Variants in MACF1 observed in about 807,000 individuals in gnomAD.
The protein encoded by MACF1 is microtubule-actin cross-linking factor 1.
MACF1 carries 193 observed loss-of-function variants against 854.8 expected under a neutral mutation model. The observed-to-expected ratio is 0.23, with a 90% CI of 0.20 to 0.25. The LOEUF (loss-of-function observed/expected upper bound fraction) is 0.25, where lower values mean the gene tolerates loss of function less well. Ranked by LOEUF, MACF1 falls within the 10% of genes least tolerant of loss-of-function variation. MACF1 has a pLI of 1.00. For synonymous variants in MACF1, 3,185 were observed against 3,226.7 expected (o/e 0.99, Z 0.44); for missense variants, 7,722 against 8,929.1 (o/e 0.86, Z 5.45).
intron 95 of MACF1, among the ~76,000 whole-genome samples, chr1:39,465,936 C>T (rs550562992): frequency 6.6e-6 from 1 of 152,326 alleles, no homozygotes; most frequent in East Asian, 1.9e-4. Flanking sequence ...AAAAAAACAT[C>T]ATTGCTTGAG....
chr1:39,107,950 T>TA (rs755373005), intron 2 of MACF1, among the ~76,000 whole-genome samples: 1 of 152,068 alleles, frequency 6.6e-6, no homozygotes, highest in Non-Finnish European at 1.5e-5. Context: ...AGAAGGGCAG[T>TA]AATGTATTTG....
Position 39,424,177 on chromosome 1 carries a change from C to G in MACF1, c.16299C>G (p.Leu5433=). 3 of 1,613,450 alleles carry G rather than the reference C, an allele frequency of 1.9e-6. No homozygotes were observed. Among genetic ancestry groups the G allele is most frequent in the Non-Finnish European group, 2.5e-6 (3 of 1,179,772 alleles). Residue 5433 remains leucine (L), a synonymous_variant, in exon 61 of 101, where the codon CTC becomes CTG. Transcript: ENST00000564288. ...ESLESRWTEL[L]SKAAARQKQL... is the part of the protein sequence containing the mutation. ...TTGAAAGTAGATGGACTGAACTACT[C>G]AGTAAGGCAGCAGCCAGGTAAGATC...
rs1647689315 is a variant in MACF1 at position 39,357,417 on chromosome 1, C to T, written c.11467C>T (p.Leu3823=). The change falls in exon 45 of 101, where the codon CTG becomes TTG. Residue 3823 remains leucine, a synonymous_variant. Transcript: ENST00000564288. ...ELLSQQQNFI[L]ATQSAQAFLD... ...GCTGTCCCAGCAGCAAAATTTCATT[C>T]TGGCCACCCAGTCAGCTCAGGCCTT... 2.5e-6 allele frequency: 4 copies of T among 1,613,262 alleles called. No homozygotes were observed. Among genetic ancestry groups the T allele is most frequent in the East Asian group, 2.2e-5 (1 of 44,874 alleles).
At chr1:39,293,655 T>A in intron 18 of MACF1, 36 bp downstream of exon 18, 1 of 1,585,900 alleles carries the variant, frequency 6.3e-7, no homozygotes. Flanking sequence ...GTCATACTTA[T>A]TTAACAGCAG....
At chr1:39,227,075 G>T (rs2148298335) in intron 1 of MACF1, among the ~76,000 whole-genome samples, 1 of 152,258 alleles carries the variant, frequency 6.6e-6, no homozygotes, top group East Asian at 1.9e-4. Context: ...TTCAGGCAGG[G>T]TCTCAGTCTG....
At chr1:39,350,750 C>A (rs772261394) in intron 42 of MACF1, 35 bp from the exon 43 acceptor site, 2 of 1,519,074 alleles carry the variant, frequency 1.3e-6, no homozygotes, top group African/African-American at 1.4e-5. Flanking sequence ...GCACTAAAGT[C>A]GAAGGCTCTG....
chr1:39,344,524 C>T (rs1288360940), intron 40 of MACF1, among the ~76,000 whole-genome samples: 1 of 151,920 alleles, frequency 6.6e-6, no homozygotes, highest in African/African-American at 2.4e-5. Flanking sequence ...TCCAAGTGTG[C>T]TGTCTGTCCT....
intron 2 of MACF1, among the ~76,000 whole-genome samples, chr1:39,195,743 T>C (rs1644311034): frequency 6.6e-6 from 1 of 152,174 alleles, no homozygotes; most frequent in African/African-American, 2.4e-5. Flanking sequence ...TTGGATTTAA[T>C]TTGCTGATAG....
Position 39,317,201 on chromosome 1 carries a change from T to TA in MACF1, c.3589-12dup, listed in dbSNP as rs1646429841. Reference sequence around the variant, plus strand: ...AAAGTATACAACCTGTTTCTGTACTTATGTTTCCACAGCACTGGCTTAGTG... The same window carrying TA: ...AAAGTATACAACCTGTTTCTGTACTTAATGTTTCCACAGCACTGGCTTAGTG... On this transcript the variant is annotated splice_polypyrimidine_tract_variant and intron_variant, in intron 28 of 100. Coordinates refer to ENST00000564288, the MANE Select transcript of MACF1 (RefSeq NM_001394062.1). 4 of 1,612,116 alleles carry TA rather than the reference T, an allele frequency of 2.5e-6. No individual in the cohort carries two copies. Among genetic ancestry groups the TA allele is most frequent in the Non-Finnish European group, 3.4e-6 (4 of 1,179,242 alleles).
At position 39,305,260 on chromosome 1, in the gene MACF1, C is replaced by CA. The variant is rs925943198; in HGVS notation, c.2789+2199dup. Reference sequence around the variant, plus strand: ...TGGGTGACAGAGTGAGACTCTGTCTCAAAAAAAAAAAAAAAAAGTGTGTGT... The same window carrying CA: ...TGGGTGACAGAGTGAGACTCTGTCTCAAAAAAAAAAAAAAAAAAGTGTGTGT... On this transcript the variant is annotated intron_variant, in intron 23 of 100. Transcript: ENST00000564288. Among the ~76,000 whole-genome samples, 636 of 65,982 alleles carry CA rather than the reference C, an allele frequency of 9.6e-3. 1 individual carries two copies. The highest frequency in any genetic ancestry group is 0.017 in the Middle Eastern group (2 of 116). 43.3% of individuals were successfully genotyped at this position (65,982 alleles called of 152,430 possible).
At chr1:39,403,068 T>C (rs1334038391) in intron 58 of MACF1, among the ~76,000 whole-genome samples, 1 of 145,062 alleles carries the variant, frequency 6.9e-6, no homozygotes, top group African/African-American at 2.7e-5. Context: ...TTTGGTTTTT[T>C]TTTTGTTTGG....
chr1:39,206,134 A>G (rs1459139783), intron 1 of MACF1, among the ~76,000 whole-genome samples: 2 of 152,228 alleles, frequency 1.3e-5, no homozygotes, highest in Non-Finnish European at 2.9e-5. Flanking sequence ...AATTAGAATT[A>G]GATTCAATCA....
chr1:39,413,703 A>G (rs779946239), intron 58 of MACF1: 3 of 1,578,006 alleles, frequency 1.9e-6, no homozygotes, highest in Non-Finnish European at 2.6e-6. Context: ...CTGCCTTCCC[A>G]GCTCCTGCAG....
intron 20 of MACF1, among the ~76,000 whole-genome samples, chr1:39,297,067 G>T (rs1356547156): frequency 6.6e-6 from 1 of 151,884 alleles, no homozygotes; most frequent in African/African-American, 2.4e-5. Context: ...GGGACTACAG[G>T]CGCCCACCAC....
chr1:39,442,605 T>C, intron 77 of MACF1, 38 bp downstream of exon 77: 1 of 1,612,960 alleles, frequency 6.2e-7, no homozygotes, highest in South Asian at 1.1e-5. Context: ...ACCCTATTGA[T>C]TTGAGACCAG....
rs759429322 is a variant in MACF1 at position 39,442,492 on chromosome 1, C to T, written c.19029C>T (p.Thr6343=). The change falls in exon 77 of 101, where the codon ACC becomes ACT. Residue 6343 remains threonine, a synonymous_variant. Transcript: ENST00000564288. ...LEELMSWLTH[T]EELLDAQRPI... is the part of the protein sequence containing the mutation. ...AACTAATGAGTTGGCTGACTCATAC[C>T]GAAGAGTTGTTAGATGCTCAGAGAC... 20 of 1,613,930 alleles carry T rather than the reference C, an allele frequency of 1.2e-5. No individual in the cohort carries two copies. The highest frequency in any genetic ancestry group is 1.5e-5 in the Non-Finnish European group (18 of 1,179,964).
chr1:39,302,122 G>C (rs559936797), intron 22 of MACF1, among the ~76,000 whole-genome samples: 1 of 152,008 alleles, frequency 6.6e-6, no homozygotes, highest in Non-Finnish European at 1.5e-5. Context: ...TCAGCCTCCC[G>C]AGTGGCTGGG....
intron 99 of MACF1, among the ~76,000 whole-genome samples, chr1:39,483,245 G>A (rs1448007329): frequency 6.6e-6 from 1 of 152,108 alleles, no homozygotes; most frequent in Non-Finnish European, 1.5e-5. Context: ...TTTCCAGTTT[G>A]GGAAATGCTT....
intron 58 of MACF1, among the ~76,000 whole-genome samples, chr1:39,418,073 GGATTTGAAGACAATAGGGTGGATTGAA>G (rs1248651751): frequency 5.3e-5 from 8 of 152,168 alleles, no homozygotes; most frequent in Non-Finnish European, 1.0e-4. Flanking sequence ...TGATGTCAAT[GGATTTGAAGACAATAGGGTGGATTGAA>G]GATATATTTT....
Sources: allele counts gnomAD v4.1 joint callset (sites outside exome capture counted in the v4.1 genomes callset), GRCh38; gene constraint gnomAD v4.1.1; transcripts MANE v1.5; gene names NCBI Gene and HGNC (gene_info 2026-07-23, HGNC 2026-07-21).